The following AP1G1 variants were observed in gnomAD, a reference collection of about 807,000 sequenced individuals.
AP1G1 encodes the protein adaptor related protein complex 1 subunit gamma 1.
A neutral mutation model predicts 108.3 loss-of-function variants in AP1G1; 7 were observed. That is an observed-to-expected ratio of 0.06 (90% confidence interval 0.04 to 0.12). The LOEUF (loss-of-function observed/expected upper bound fraction) is 0.12, where lower values mean the gene tolerates loss of function less well. AP1G1 is among the 10% of genes least tolerant of loss of function. AP1G1 has a pLI of 1.00. For synonymous variants in AP1G1, 379 were observed against 353.5 expected (o/e 1.07, Z -0.81); for missense variants, 756 against 1,010.7 (o/e 0.75, Z 3.42).
chr16:71,736,116 AAATATATAT>A (rs2045534784), intron 21 of AP1G1, among the ~76,000 whole-genome samples: 1 of 65,630 alleles, frequency 1.5e-5, no homozygotes, highest in Non-Finnish European at 2.9e-5. Context: ...AAAAAAAAAA[AAATATATAT>A]ATATATATAT....
chr16:71,748,515 G>C (rs2030304029), intron 15 of AP1G1, 137 bp from the exon 16 acceptor site: 7 of 1,059,706 alleles, frequency 6.6e-6, no homozygotes, highest in Non-Finnish European at 9.2e-6. Flanking sequence ...CCTGTGCTTT[G>C]CCAGGGTAAC....
intron 6 of AP1G1, among the ~76,000 whole-genome samples, chr16:71,766,953 T>G (rs943867435): frequency 6.6e-6 from 1 of 152,212 alleles, no homozygotes; most frequent in Non-Finnish European, 1.5e-5. Flanking sequence ...AAAGTTATAT[T>G]AGAGATAATA....
chr16:71,733,037 A>G lies in AP1G1; in HGVS notation c.*21T>C. ...GTTCCTTTGATTGAGTGGGATAAAG[A>G]ATGAGAATGGTGCCAAACCCTCATT... On this transcript the variant is annotated 3_prime_UTR_variant, in exon 23 of 23. Transcript: ENST00000299980. The G allele has an allele frequency of 6.3e-7, 1 of 1,590,110 alleles. No individual in the cohort carries two copies. Among genetic ancestry groups the G allele is most frequent in the Non-Finnish European group, 8.6e-7 (1 of 1,160,402 alleles).
intron 2 of AP1G1, among the ~76,000 whole-genome samples, chr16:71,785,575 CAAAAAAAAAAAAA>C: frequency 1.4e-5 from 1 of 73,114 alleles, no homozygotes; most frequent in African/African-American, 5.6e-5. Flanking sequence ...AACCCTGCCT[CAAAAAAAAAAAAA>C]AAAAAAAAAA....
At chr16:71,734,823 T>A in intron 21 of AP1G1, 116 bp from the exon 22 acceptor site, 1 of 791,762 alleles carries the variant, frequency 1.3e-6, no homozygotes, top group East Asian at 2.5e-5. Context: ...TCACTACTAC[T>A]AAGTTTTGCC....
chr16:71,768,992 A>AC (rs1358815821), intron 6 of AP1G1, among the ~76,000 whole-genome samples: 2 of 145,468 alleles, frequency 1.4e-5, no homozygotes, highest in Admixed American at 6.9e-5. Context: ...AAAAAAAAAA[A>AC]AAAAAACAGG....
chr16:71,755,429 C>T (rs1230001393), intron 12 of AP1G1, among the ~76,000 whole-genome samples: 2 of 151,454 alleles, frequency 1.3e-5, no homozygotes, highest in Non-Finnish European at 2.9e-5. Context: ...AAAGTGAGAC[C>T]CTGTCTCAAA....
At chr16:71,794,915 T>C (rs2032533758) in intron 1 of AP1G1, among the ~76,000 whole-genome samples, 1 of 144,952 alleles carries the variant, frequency 6.9e-6, no homozygotes, top group Non-Finnish European at 1.5e-5. Flanking sequence ...TAAGGCTAGA[T>C]CTTCATTTGC....
At chr16:71,792,755 G>A (rs906948488) in intron 1 of AP1G1, among the ~76,000 whole-genome samples, 4 of 152,162 alleles carry the variant, frequency 2.6e-5, no homozygotes, top group Admixed American at 6.5e-5. Context: ...TACAGAGGCT[G>A]AGGCAGGAGA....
At chr16:71,744,969 G>C (rs2030094739) in intron 19 of AP1G1, among the ~76,000 whole-genome samples, 175 bp downstream of exon 19, 1 of 152,156 alleles carries the variant, frequency 6.6e-6, no homozygotes, top group Non-Finnish European at 1.5e-5. Flanking sequence ...ATTATCTTTA[G>C]AGCATTATTA....
chr16:71,762,605 G>A (rs1255526726), intron 9 of AP1G1, among the ~76,000 whole-genome samples: 1 of 152,170 alleles, frequency 6.6e-6, no homozygotes, highest in Non-Finnish European at 1.5e-5. Context: ...AATGGACAGG[G>A]TTCAGAGGAG....
intron 19 of AP1G1, chr16:71,742,301 T>C (rs998660660): frequency 6.6e-6 from 1 of 151,984 alleles, no homozygotes; most frequent in African/African-American, 2.4e-5. Context: ...CAAAAAATAA[T>C]AGGGCCTCTC....
intron 5 of AP1G1, among the ~76,000 whole-genome samples, chr16:71,770,386 A>G (rs1447622404): frequency 6.6e-6 from 1 of 152,250 alleles, no homozygotes; most frequent in African/African-American, 2.4e-5. Flanking sequence ...AATGTTTGAG[A>G]AAAGAACAGT....
At chr16:71,794,830 A>T (rs1008199265) in intron 1 of AP1G1, among the ~76,000 whole-genome samples, 1 of 67,390 alleles carries the variant, frequency 1.5e-5, no homozygotes, top group African/African-American at 6.4e-5. Context: ...AGGCCATGAG[A>T]AGTGCTTTTT....
At chr16:71,808,402 A>G (rs1343976462) in intron 1 of AP1G1, 1 of 1,045,742 alleles carries the variant, frequency 9.6e-7, no homozygotes, top group Admixed American at 3.7e-5. Context: ...TGGCTCAGAG[A>G]AGACACGCGG....
chr16:71,787,820 G>A (rs1206595983), intron 2 of AP1G1, among the ~76,000 whole-genome samples: 2 of 152,188 alleles, frequency 1.3e-5, no homozygotes, highest in Middle Eastern at 3.4e-3. Flanking sequence ...AACACTCTAC[G>A]AATGAAATAT....
chr16:71,744,011 G>A (rs571258317), intron 19 of AP1G1, among the ~76,000 whole-genome samples: 167 of 151,454 alleles, frequency 1.1e-3, no homozygotes, highest in African/African-American at 3.4e-3. Flanking sequence ...TTGGGAGGCC[G>A]AGGCAGGGGG....
In AP1G1 at chr16:71,750,180, C is replaced by T. The variant is rs776205211; in HGVS notation, c.1407+30G>A. 3.1e-6 allele frequency: 5 copies of T among 1,603,668 alleles called. No individual in the cohort carries two copies. In the South Asian group the frequency reaches 5.7e-5, roughly 18 times the overall value. Reference sequence around the variant, plus strand: ...ACCAGAAAAATTGAGGGTAAAATTACCCCCTAAAATAGTTGAATGAAGTAC... The same window carrying T: ...ACCAGAAAAATTGAGGGTAAAATTATCCCCTAAAATAGTTGAATGAAGTAC... On this transcript the variant is annotated intron_variant, in intron 14 of 22. Coordinates refer to ENST00000299980, the MANE Select transcript of AP1G1 (RefSeq NM_001128.6).
intron 2 of AP1G1, among the ~76,000 whole-genome samples, chr16:71,785,575 CAAAAAAAAA>C (rs71389702): frequency 1.4e-5 from 1 of 73,130 alleles, no homozygotes; most frequent in Non-Finnish European, 2.6e-5. Context: ...AACCCTGCCT[CAAAAAAAAA>C]AAAAAAAAAA....
Sources: allele counts gnomAD v4.1 joint callset (sites outside exome capture counted in the v4.1 genomes callset), GRCh38; gene constraint gnomAD v4.1.1; transcripts MANE v1.5; gene names NCBI Gene and HGNC (gene_info 2026-07-23, HGNC 2026-07-21).